GBF1: variants seen among roughly 807,000 people sequenced by gnomAD.
The protein encoded by GBF1 is golgi brefeldin A resistant guanine nucleotide exchange factor 1.
A neutral mutation model predicts 210.5 loss-of-function variants in GBF1; 114 were observed. That is an observed-to-expected ratio of 0.54 (90% confidence interval 0.47 to 0.63). GBF1 has a LOEUF of 0.63. GBF1 is among the 30% of genes least tolerant of loss of function. The pLI is 0.00. For missense variants in GBF1, 1,851 were observed against 2,357.7 expected (o/e 0.79, Z 4.45); for synonymous variants, 850 against 889.2 (o/e 0.96, Z 0.78).
intron 3 of GBF1, among the ~76,000 whole-genome samples, chr10:102,303,235 A>C (rs1038650464): frequency 6.6e-6 from 1 of 151,940 alleles, no homozygotes; most frequent in Non-Finnish European, 1.5e-5. Flanking sequence ...TGATCCACCC[A>C]CCTCGGCCTC....
intron 3 of GBF1, among the ~76,000 whole-genome samples, chr10:102,317,834 T>C (rs2055965488): frequency 6.6e-6 from 1 of 152,208 alleles, no homozygotes; most frequent in Non-Finnish European, 1.5e-5. Context: ...TCTAATGATA[T>C]TATTCATTGT....
chr10:102,375,729 C>T (rs915178092), intron 30 of GBF1, 145 bp downstream of exon 30: 3 of 624,766 alleles, frequency 4.8e-6, no homozygotes, highest in Non-Finnish European at 8.6e-6. Flanking sequence ...TTCCAGTGCC[C>T]GCTGGCTAGT....
intron 4 of GBF1, among the ~76,000 whole-genome samples, chr10:102,350,265 G>T (rs530100034): frequency 2.8e-4 from 42 of 151,802 alleles, no homozygotes; most frequent in Non-Finnish European, 4.3e-4. Context: ...CAGGAGAATC[G>T]CTTGAACCTA....
chr10:102,279,856 G>A (rs772893973), intron 3 of GBF1, among the ~76,000 whole-genome samples: 6 of 152,144 alleles, frequency 3.9e-5, no homozygotes, highest in South Asian at 2.1e-4. Context: ...AGTGGCTTAC[G>A]CCTGTAATGA....
At chr10:102,377,167 T>C (rs2060550401) in intron 33 of GBF1, 27 bp downstream of exon 33, 1 of 1,570,986 alleles carries the variant, frequency 6.4e-7, no homozygotes. Flanking sequence ...TTACTTCCTC[T>C]CCTCCCCTGC....
Position 102,370,396 on chromosome 10 carries a change from G to C in GBF1, c.3424G>C (p.Val1142Leu). ...TGTTCCCCTTCAGGCTCTGGTCTCAGTGACACCAGATGAAGAGACATATGA... is the reference window on the plus strand; with the variant it reads ...TGTTCCCCTTCAGGCTCTGGTCTCACTGACACCAGATGAAGAGACATATGA... Reference protein sequence around the residue: ...LQELMKALVSVTPDEETYDEE... With the variant: ...LQELMKALVSLTPDEETYDEE... Residue 1142 changes from valine to leucine, a missense_variant, in exon 28 of 40, where the codon GTG (valine) becomes CTG (leucine). Val to Leu is a conservative substitution (Grantham distance 32). Coordinates refer to ENST00000369983, the MANE Select transcript of GBF1 (RefSeq NM_001377137.1). The C allele has an allele frequency of 6.2e-7, 1 of 1,606,944 alleles. No homozygotes were observed. The highest frequency in any genetic ancestry group is 8.5e-7 in the Non-Finnish European group (1 of 1,173,338).
rs756112807 is a variant in GBF1, at chr10:102,381,119, G to A, written c.5174-8G>A. 59 of 1,613,118 alleles carry A rather than the reference G, an allele frequency of 3.7e-5. No homozygotes were observed. In the Admixed American group the frequency reaches 4.5e-4, roughly 12 times the overall value. The stretch of plus-strand genomic sequence containing the variant: ...AGAGGTGCCATCTCAATTCTCTACC[G>A]TCTCCAGACCCCATGCCCATGGAGC... On this transcript the variant is annotated splice_polypyrimidine_tract_variant and splice_region_variant and intron_variant, in intron 38 of 39. Transcript: ENST00000369983.
chr10:102,361,540 C>G (rs1028326281), intron 13 of GBF1, among the ~76,000 whole-genome samples, 178 bp from the exon 14 acceptor site: 1 of 152,178 alleles, frequency 6.6e-6, no homozygotes, highest in Non-Finnish European at 1.5e-5. Context: ...GCCTTATCCC[C>G]CAACATGGAG....
intron 3 of GBF1, among the ~76,000 whole-genome samples, chr10:102,278,727 C>T (rs887731976): frequency 1.3e-5 from 2 of 152,084 alleles, no homozygotes; most frequent in Non-Finnish European, 2.9e-5. Context: ...AAGAATATTT[C>T]TCATTTTGGG....
At chr10:102,352,059 A>G in intron 6 of GBF1, 108 bp downstream of exon 6, 1 of 725,316 alleles carries the variant, frequency 1.4e-6, no homozygotes, top group Non-Finnish European at 2.5e-6. Context: ...CTTCTCCATC[A>G]TCTATCTCAT....
At position 102,326,176 on chromosome 10, in the gene GBF1, G is replaced by A. The variant is rs562887210; in HGVS notation, c.164-17875G>A. Among the ~76,000 whole-genome samples the A allele has an allele frequency of 5.9e-5, 9 of 152,258 alleles. No individual in the cohort carries two copies. In the South Asian group the frequency reaches 1.2e-3, roughly 21 times the overall value. On this transcript the variant is annotated intron_variant, in intron 3 of 39. Coordinates refer to ENST00000369983, the MANE Select transcript of GBF1 (RefSeq NM_001377137.1). ...CGCTATCTGAGTTCTAAGTGCTCAGGGCCTAGTATGCAAGTTTACGCCAAG... is the reference window on the plus strand; with the variant it reads ...CGCTATCTGAGTTCTAAGTGCTCAGAGCCTAGTATGCAAGTTTACGCCAAG...
chr10:102,264,198 G>C (rs1163708498), intron 3 of GBF1, among the ~76,000 whole-genome samples: 1 of 152,200 alleles, frequency 6.6e-6, no homozygotes, highest in Non-Finnish European at 1.5e-5. Flanking sequence ...GTAGGCTGCA[G>C]AAGTGATGGA....
intron 33 of GBF1, among the ~76,000 whole-genome samples, chr10:102,377,677 TTTAC>T (rs1285000491): frequency 6.6e-6 from 1 of 152,106 alleles, no homozygotes; most frequent in Non-Finnish European, 1.5e-5. Flanking sequence ...TAAACTAAGA[TTTAC>T]TTATTTTTTG....
intron 3 of GBF1, among the ~76,000 whole-genome samples, chr10:102,327,931 C>T (rs888912638): frequency 2.0e-5 from 3 of 152,182 alleles, no homozygotes; most frequent in African/African-American, 7.2e-5. Context: ...GATTGCTCCT[C>T]CAGATTCAGC....
intron 29 of GBF1, among the ~76,000 whole-genome samples, chr10:102,374,225 C>T (rs2060365193): frequency 6.6e-6 from 1 of 152,010 alleles, no homozygotes; most frequent in African/African-American, 2.4e-5. Flanking sequence ...TGGCTCGCAC[C>T]TGTAATCCCA....
intron 3 of GBF1, among the ~76,000 whole-genome samples, chr10:102,279,512 G>C (rs1463465385): frequency 6.6e-6 from 1 of 152,168 alleles, no homozygotes; most frequent in Admixed American, 6.5e-5. Flanking sequence ...AATCCATAAA[G>C]TTTGGAAATG....
chr10:102,261,615 CTTTTTTTTTT>C (rs10711743), intron 3 of GBF1, among the ~76,000 whole-genome samples: 9 of 116,098 alleles, frequency 7.8e-5, no homozygotes, highest in Non-Finnish European at 1.4e-4. Flanking sequence ...TTCTTTCTTT[CTTTTTTTTTT>C]TTTTTTTTGA....
intron 3 of GBF1, among the ~76,000 whole-genome samples, chr10:102,340,572 C>T (rs535211379): frequency 2.0e-5 from 3 of 151,666 alleles, no homozygotes; most frequent in South Asian, 4.2e-4. Context: ...CACGCCTGGC[C>T]GTTTTTTTAA....
At chr10:102,326,513 C>T (rs537496778) in intron 3 of GBF1, among the ~76,000 whole-genome samples, 17 of 152,246 alleles carry the variant, frequency 1.1e-4, no homozygotes, top group African/African-American at 3.9e-4. Flanking sequence ...CCCCATCTGG[C>T]TTTCCTTTTT....
Sources: allele counts gnomAD v4.1 joint callset (sites outside exome capture counted in the v4.1 genomes callset), GRCh38; gene constraint gnomAD v4.1.1; transcripts MANE v1.5; gene names NCBI Gene and HGNC (gene_info 2026-07-23, HGNC 2026-07-21).